UIMC1: variants seen among roughly 807,000 people sequenced by gnomAD.
UIMC1 encodes the protein ubiquitin interaction motif containing 1.
Under a neutral mutation model 84.9 loss-of-function variants are expected in UIMC1, and 42 were observed. That is an observed-to-expected ratio of 0.49 (90% CI 0.39 to 0.64). The LOEUF is 0.64. Among genes scored for constraint, UIMC1 ranks in the 30% least tolerant of loss-of-function variants. The pLI is 0.00. For synonymous variants in UIMC1, 281 were observed against 293.0 expected (o/e 0.96, Z 0.42); for missense variants, 825 against 847.6 (o/e 0.97, Z 0.33).
At chr5:176,908,449 G>C in intron 12 of UIMC1, 74 bp downstream of exon 12, 1 of 1,485,236 alleles carries the variant, frequency 6.7e-7, no homozygotes, top group Non-Finnish European at 9.1e-7. Flanking sequence ...GGAAAAGCCA[G>C]AACAGAACTG....
intron 11 of UIMC1, 107 bp downstream of exon 11, chr5:176,911,204 A>G: frequency 1.2e-6 from 1 of 816,718 alleles, no homozygotes; most frequent in Non-Finnish European, 1.8e-6. Flanking sequence ...CAATGAAGCA[A>G]TTGGCAGGCC....
intron 1 of UIMC1, among the ~76,000 whole-genome samples, chr5:177,003,809 C>T (rs891881100): frequency 3.3e-5 from 5 of 152,102 alleles, no homozygotes; most frequent in African/African-American, 1.2e-4. Flanking sequence ...AGTTTCCATC[C>T]TATTTAAATG....
chr5:177,017,035 G>T (rs899831455), intron 1 of UIMC1, among the ~76,000 whole-genome samples: 8 of 152,100 alleles, frequency 5.3e-5, no homozygotes, highest in African/African-American at 1.9e-4. Flanking sequence ...ATAATGAAAT[G>T]AAATATGAAA....
At chr5:176,920,317 C>T (rs558981658) in intron 10 of UIMC1, among the ~76,000 whole-genome samples, 102 of 152,320 alleles carry the variant, frequency 6.7e-4, no homozygotes, top group African/African-American at 2.4e-3. Flanking sequence ...CGTGAGCCAC[C>T]ATGCCCAGCC....
At chr5:176,990,012 C>A (rs896301199) in intron 1 of UIMC1, among the ~76,000 whole-genome samples, 1 of 151,954 alleles carries the variant, frequency 6.6e-6, no homozygotes, top group Non-Finnish European at 1.5e-5. Context: ...AACCCCGTCT[C>A]TACTAAAAAT....
chr5:176,998,182 G>A (rs1773907117), intron 1 of UIMC1, among the ~76,000 whole-genome samples: 1 of 151,890 alleles, frequency 6.6e-6, no homozygotes, highest in African/African-American at 2.4e-5. Flanking sequence ...CAAATGATAG[G>A]GGATCAATAA....
At chr5:176,932,548 A>ACAG (rs1561768302) in intron 10 of UIMC1, among the ~76,000 whole-genome samples, 227 of 150,288 alleles carry the variant, frequency 1.5e-3, no homozygotes, top group African/African-American at 5.0e-3. Context: ...CAGACAGACA[A>ACAG]ACATCAGCAG....
chr5:176,932,614 T>C (rs1763249502), intron 10 of UIMC1, among the ~76,000 whole-genome samples: 1 of 152,206 alleles, frequency 6.6e-6, no homozygotes, highest in Non-Finnish European at 1.5e-5. Flanking sequence ...TGCTTGCTCT[T>C]GCAACCTACC....
chr5:176,907,321 G>A (rs1202982043), intron 12 of UIMC1, 144 bp from the exon 13 acceptor site: 5 of 739,202 alleles, frequency 6.8e-6, no homozygotes, highest in African/African-American at 1.8e-5. Context: ...TCTAATAAAC[G>A]AGGGTTTCAC....
chr5:176,965,421 CAAA>C (rs551191945), intron 6 of UIMC1, among the ~76,000 whole-genome samples: 1 of 124,830 alleles, frequency 8.0e-6, no homozygotes. Context: ...GACTCCATCT[CAAA>C]AAAAAAAAAA....
intron 10 of UIMC1, among the ~76,000 whole-genome samples, chr5:176,921,809 A>T (rs1321240631): frequency 1.3e-5 from 2 of 152,094 alleles, no homozygotes; most frequent in African/African-American, 4.8e-5. Flanking sequence ...TATTTTCCAC[A>T]TTGTAGCCAG....
At chr5:176,995,023 T>C (rs1244456001) in intron 1 of UIMC1, among the ~76,000 whole-genome samples, 3 of 152,106 alleles carry the variant, frequency 2.0e-5, no homozygotes, top group Admixed American at 1.3e-4. Flanking sequence ...GCTTTTCAGA[T>C]AGTGTTATCA....
At chr5:176,905,784 A>G (rs908006559) in intron 14 of UIMC1, 27 of 629,620 alleles carry the variant, frequency 4.3e-5, no homozygotes, top group Non-Finnish European at 6.3e-5. Context: ...GTACAGAAGA[A>G]TAAGACATAA....
rs1226525394 is a variant in UIMC1 at position 176,986,751 on chromosome 5, T to C, written c.-8-4128A>G. On this transcript the variant is annotated intron_variant, in intron 1 of 14. Coordinates refer to ENST00000511320, the MANE Select transcript of UIMC1 (RefSeq NM_001199298.2). ...CTACTGCAGCCTGGGCAACAGGGCA[T>C]GGTTCTATCTCAAAAAAAACAATGT... Among the ~76,000 whole-genome samples the C allele has an allele frequency of 2.6e-5, 4 of 152,108 alleles. No homozygotes were observed. The South Asian group carries it at 6.2e-4, about 24-fold the overall frequency.
chr5:176,957,062 A>G (rs1766699995), intron 7 of UIMC1, among the ~76,000 whole-genome samples: 1 of 152,176 alleles, frequency 6.6e-6, no homozygotes, highest in Non-Finnish European at 1.5e-5. Flanking sequence ...AAAGTGTATA[A>G]TCATTTATTA....
At chr5:176,956,361 G>A (rs976035643) in intron 7 of UIMC1, among the ~76,000 whole-genome samples, 11 of 152,184 alleles carry the variant, frequency 7.2e-5, no homozygotes, top group Admixed American at 4.6e-4. Flanking sequence ...ATATAAGGAT[G>A]TCAAAGGTGT....
In UIMC1 at chr5:177,022,557, C is replaced by T. The variant is rs950670179; in HGVS notation, c.-102G>A. On this transcript the variant is annotated 5_prime_UTR_variant, in exon 1 of 6. Coordinates refer to the UIMC1 transcript ENST00000509236. Reference sequence around the variant, plus strand: ...GGAATCAGCGACAGGTTTCCGAATCCACGGCACACGCTCTGAGGTACCAGA... The same window carrying T: ...GGAATCAGCGACAGGTTTCCGAATCTACGGCACACGCTCTGAGGTACCAGA... The T allele has an allele frequency of 9.3e-5, 56 of 602,292 alleles. No individual in the cohort carries two copies. The African/African-American group carries it at 1.1e-3, about 11-fold the overall frequency. 37.3% of individuals were successfully genotyped at this position (602,292 alleles called of 1,614,324 possible). A position where few individuals can be genotyped will look rare whatever the true frequency, so the allele number is the denominator to read the frequency against.
intron 10 of UIMC1, 135 bp downstream of exon 10, chr5:176,943,200 G>T: frequency 8.9e-7 from 1 of 1,122,328 alleles, no homozygotes; most frequent in Non-Finnish European, 1.2e-6. Context: ...AAAATAACTA[G>T]ATAGAAAAAA....
At chr5:177,006,396 G>C (rs1417826072) in intron 1 of UIMC1, 1 of 152,168 alleles carries the variant, frequency 6.6e-6, no homozygotes, top group Non-Finnish European at 1.5e-5. Flanking sequence ...TCCCAGCCCC[G>C]CATCCCGAGC....
Sources: allele counts gnomAD v4.1 joint callset (sites outside exome capture counted in the v4.1 genomes callset), GRCh38; gene constraint gnomAD v4.1.1; transcripts MANE v1.5; gene names NCBI Gene and HGNC (gene_info 2026-07-23, HGNC 2026-07-21).